NRG2: variants seen among roughly 807,000 people sequenced by gnomAD.
NRG2 encodes the protein pro-neuregulin-2, membrane-bound isoform.
In NRG2, 27 loss-of-function variants were observed where a neutral mutation model predicts 73.9. The observed-to-expected ratio is 0.37, with a 90% CI of 0.27 to 0.50. The LOEUF is 0.50. Ranked by LOEUF, NRG2 falls within the 20% of genes least tolerant of loss-of-function variation. The pLI is 0.96. For missense variants in NRG2, 1,126 were observed against 1,210.1 expected (o/e 0.93, Z 1.03); for synonymous variants, 532 against 541.0 (o/e 0.98, Z 0.23).
At chr5:139,871,690 G>A in intron 4 of NRG2, 31 bp downstream of exon 4, 12 of 1,612,744 alleles carry the variant, frequency 7.4e-6, no homozygotes, top group African/African-American at 2.7e-5. Flanking sequence ...CCCTGTTCTT[G>A]CTCCCATGCC....
intron 1 of NRG2, among the ~76,000 whole-genome samples, chr5:139,914,245 G>T (rs1751068469): frequency 6.6e-6 from 1 of 152,208 alleles, no homozygotes; most frequent in African/African-American, 2.4e-5. Flanking sequence ...TAGCAGAAAG[G>T]TCTGGAGGTG....
intron 1 of NRG2, among the ~76,000 whole-genome samples, chr5:140,010,437 T>C (rs1475414472): frequency 6.6e-6 from 1 of 152,220 alleles, no homozygotes; most frequent in Admixed American, 6.5e-5. Flanking sequence ...CAATGTAGGC[T>C]TATCAATTGT....
At chr5:139,948,407 T>C (rs2436589) in intron 1 of NRG2, among the ~76,000 whole-genome samples, 33,633 of 151,994 alleles carry the variant, frequency 0.22, 4,892 homozygotes, top group African/African-American at 0.42. Context: ...CCACTCTTTC[T>C]CCCACACAGA....
intron 1 of NRG2, among the ~76,000 whole-genome samples, chr5:139,932,238 G>T (rs1289735030): frequency 6.7e-6 from 1 of 148,322 alleles, no homozygotes; most frequent in African/African-American, 2.5e-5. Context: ...GTGTGTGTGT[G>T]TGTGTGTGTG....
In NRG2 at chr5:139,848,172, G is replaced by T; in HGVS notation, c.2298C>A (p.Ser766Arg). 7.0e-7 allele frequency: 1 copy of T among 1,424,648 alleles called. No homozygotes were observed. The highest frequency in any genetic ancestry group is 9.1e-7 in the Non-Finnish European group (1 of 1,095,542). The allele number at this position is 1,424,648 out of a possible 1,614,324, so 88.3% of individuals were successfully genotyped here. A position where few individuals can be genotyped will look rare whatever the true frequency, so the allele number is the denominator to read the frequency against. ...ARAARDSLSL[S>R]SGSGGGSASA... ...AGGCTGAGCCGCCGCCCGAGCCGCT[G>T]CTCAGCGACAGCGAGTCCCTCGCCG... The change falls in exon 10 of 10, where the codon AGC (serine) becomes AGA (arginine). Residue 766 changes from serine (S) to arginine (R), a missense_variant. Transcript: ENST00000361474.
At chr5:139,857,405 A>G (rs968615062) in intron 5 of NRG2, among the ~76,000 whole-genome samples, 1 of 152,008 alleles carries the variant, frequency 6.6e-6, no homozygotes, top group African/African-American at 2.4e-5. Context: ...GTCTGCACCT[A>G]TTGGCAGCCT....
chr5:139,917,379 G>A (rs1751335544), intron 1 of NRG2, among the ~76,000 whole-genome samples: 1 of 152,096 alleles, frequency 6.6e-6, no homozygotes, highest in African/African-American at 2.4e-5. Flanking sequence ...AGCCTCTTGA[G>A]TAGCTGGGAC....
At chr5:139,859,230 A>G (rs1353439737) in intron 5 of NRG2, among the ~76,000 whole-genome samples, 1 of 152,098 alleles carries the variant, frequency 6.6e-6, no homozygotes, top group East Asian at 1.9e-4. Context: ...GAGCTGGGAG[A>G]CAAGGGGCAG....
At position 139,979,672 on chromosome 5, in the gene NRG2, T is replaced by C. The variant is rs573057214; in HGVS notation, c.700+62698A>G. On this transcript the variant is annotated intron_variant, in intron 1 of 9. Transcript: ENST00000361474. ...TTATAAGGGAGCCCTGTGGAGAGCC[T>C]CATGTGAGTGTGCTTGGAAGCAGAT... Among the ~76,000 whole-genome samples the C allele has an allele frequency of 1.4e-3, 212 of 152,322 alleles. 2 individuals are homozygous for C. The highest frequency in any genetic ancestry group is 4.9e-3 in the African/African-American group (204 of 41,566).
rs370739262 is a variant in NRG2 at position 139,855,634 on chromosome 5, C to G, written c.1292+42G>C. On this transcript the variant is annotated intron_variant, in intron 6 of 9. Coordinates refer to ENST00000361474, the MANE Select transcript of NRG2 (RefSeq NM_004883.3). The stretch of plus-strand genomic sequence containing the variant: ...TCACACACATTCTTGGAGGCCCATC[C>G]CTTGGCTTGGCCTGTCCCCAGCTTG... 7.9e-6 allele frequency: 12 copies of G among 1,515,876 alleles called. No homozygotes were observed. In the African/African-American group the frequency reaches 1.6e-4, roughly 21 times the overall value. The allele number at this position is 1,515,876 out of a possible 1,614,324, so 93.9% of individuals were successfully genotyped here.
At chr5:139,906,302 G>A (rs548135821) in intron 1 of NRG2, among the ~76,000 whole-genome samples, 27 of 152,110 alleles carry the variant, frequency 1.8e-4, no homozygotes, top group South Asian at 4.2e-4. Flanking sequence ...CACCGCGCCC[G>A]GCCCAGACTG....
At chr5:140,001,757 G>A (rs1183349194) in intron 1 of NRG2, among the ~76,000 whole-genome samples, 2 of 152,130 alleles carry the variant, frequency 1.3e-5, no homozygotes, top group African/African-American at 4.8e-5. Context: ...TAGCTACTTG[G>A]GAGGCTGAGG....
intron 1 of NRG2, among the ~76,000 whole-genome samples, chr5:139,895,585 G>T (rs189204010): frequency 4.0e-4 from 61 of 152,328 alleles, no homozygotes; most frequent in African/African-American, 1.5e-3. Flanking sequence ...CAGCAATCCA[G>T]GTCTTTGTCC....
At position 139,904,316 on chromosome 5, in the gene NRG2, C is replaced by CG. The variant is rs2127177029; in HGVS notation, c.701-16806dup. On this transcript the variant is annotated intron_variant, in intron 1 of 9. Transcript: ENST00000361474. This position sits in a 1 kb window ranked among gnomAD's most constrained non-coding sequence, Gnocchi z 6.0. ...CGCGGAGGTGCCCTACCTTTCTCCC[C>CG]GGGATCGGGCTCCCTCTCCCGCTTC... The CG allele has an allele frequency of 6.3e-7, 1 of 1,591,400 alleles. No individual in the cohort carries two copies. The highest frequency in any genetic ancestry group is 8.5e-7 in the Non-Finnish European group (1 of 1,177,100).
rs374345890 is a variant in NRG2, at chr5:139,865,369, GCAAAA to G, written c.1189+175_1189+179del. Among the ~76,000 whole-genome samples the G allele has an allele frequency of 4.4e-4, 67 of 152,164 alleles. 1 individual carries two copies. In the South Asian group the frequency reaches 0.013, roughly 30 times the overall value. On this transcript the variant is annotated intron_variant, in intron 5 of 9. Coordinates refer to ENST00000361474, the MANE Select transcript of NRG2 (RefSeq NM_004883.3). This position sits in a 1 kb window ranked among gnomAD's most constrained non-coding sequence, Gnocchi z 5.2. ...GGATTAGGCCAAAAATGAAAACAAA[GCAAAA>G]CAAAACAAAACAAAAAGAACTAACA... is the stretch of plus-strand genomic sequence containing the variant.
intron 2 of NRG2, among the ~76,000 whole-genome samples, chr5:139,882,223 G>A (rs764565568): frequency 8.5e-5 from 13 of 152,130 alleles, no homozygotes; most frequent in Non-Finnish European, 1.5e-4. Flanking sequence ...ATGGGGTAAG[G>A]AGGCTGAGGA....
chr5:140,002,770 G>A (rs1393059158), intron 1 of NRG2, among the ~76,000 whole-genome samples: 1 of 152,140 alleles, frequency 6.6e-6, no homozygotes, highest in African/African-American at 2.4e-5. Flanking sequence ...ACCGAAGAGG[G>A]GCAAGGGTGG....
chr5:140,026,026 A>T (rs1760660072), intron 1 of NRG2, among the ~76,000 whole-genome samples: 1 of 152,240 alleles, frequency 6.6e-6, no homozygotes, highest in Non-Finnish European at 1.5e-5. Context: ...GAGAAGTGGA[A>T]TCTCAGCTAA....
At chr5:139,892,789 C>T (rs528510763) in intron 1 of NRG2, among the ~76,000 whole-genome samples, 7 of 152,204 alleles carry the variant, frequency 4.6e-5, no homozygotes, top group Admixed American at 3.3e-4. Context: ...ATTCAGTCGA[C>T]ACTCTGATCC....
Sources: allele counts gnomAD v4.1 joint callset (sites outside exome capture counted in the v4.1 genomes callset), GRCh38; gene constraint gnomAD v4.1.1; non-coding constraint Gnocchi (gnomAD v3.1); transcripts MANE v1.5; gene names NCBI Gene and HGNC (gene_info 2026-07-23, HGNC 2026-07-21).